CCDC81: variants seen among roughly 807,000 people sequenced by gnomAD.
CCDC81 encodes the protein coiled-coil domain containing 81, also known as coiled-coil domain-containing protein 81.
In CCDC81, 79 loss-of-function variants were observed where a neutral mutation model predicts 83.7. The observed-to-expected ratio is 0.94, with a 90% CI of 0.79 to 1.14. The LOEUF is 1.14. Among genes scored for constraint, CCDC81 ranks in the 50% most tolerant of loss-of-function variants. The pLI, the probability that CCDC81 is intolerant of heterozygous loss-of-function variation, is 0.00. For synonymous variants in CCDC81, 252 were observed against 278.1 expected (o/e 0.91, Z 0.93); for missense variants, 791 against 778.1 (o/e 1.02, Z -0.20).
At chr11:86,412,305 T>G (rs948735452) in intron 10 of CCDC81, 82 bp from the exon 11 acceptor site, 4 of 1,106,544 alleles carry the variant, frequency 3.6e-6, no homozygotes, top group Non-Finnish European at 5.2e-6. Flanking sequence ...AGAAATACTT[T>G]CTGATTTATC....
In CCDC81 at chr11:86,414,806, CGAA is replaced by C. The variant is rs756602737; in HGVS notation, c.1410_1412del (p.Lys471del). The C allele has an allele frequency of 6.2e-7, 1 of 1,611,482 alleles. No homozygotes were observed. The highest frequency in any genetic ancestry group is 1.1e-5 in the South Asian group (1 of 90,146). On this transcript the variant is annotated inframe_deletion, in exon 12 of 15. Transcript: ENST00000445632. ...ACTGCCAGACTTGCTGCGCAAAGAG[CGAA>C]ATTTTTAAAAGATAAGATGGAAGAA...
chr11:86,420,160 G>A lies in CCDC81; in HGVS notation c.1817+107G>A. Reference sequence around the variant, plus strand: ...CAGTGGCTGCCTAGAGAACCTTGTGGAGAAAGCAAGTCTGTATTCCATGGG... The same window carrying A: ...CAGTGGCTGCCTAGAGAACCTTGTGAAGAAAGCAAGTCTGTATTCCATGGG... On this transcript the variant is annotated intron_variant, in intron 14 of 14. Transcript: ENST00000445632. 3 of 1,300,364 alleles carry A rather than the reference G, an allele frequency of 2.3e-6. No individual in the cohort carries two copies. In the East Asian group the frequency reaches 7.0e-5, roughly 30 times the overall value. The allele number at this position is 1,300,364 out of a possible 1,614,324, so 80.6% of individuals were successfully genotyped here.
At chr11:86,410,579 C>T (rs1948628759) in intron 10 of CCDC81, among the ~76,000 whole-genome samples, 1 of 152,124 alleles carries the variant, frequency 6.6e-6, no homozygotes, top group African/African-American at 2.4e-5. Context: ...AGAGAGCGAG[C>T]GAGCATGGGG....
At chr11:86,384,756 G>C (rs1396764543) in intron 1 of CCDC81, among the ~76,000 whole-genome samples, 2 of 152,096 alleles carry the variant, frequency 1.3e-5, no homozygotes, top group Non-Finnish European at 2.9e-5. Context: ...TTTTTATTTT[G>C]AGAATTAAAA....
At chr11:86,383,616 T>C (rs769268125) in intron 1 of CCDC81, among the ~76,000 whole-genome samples, 1 of 152,166 alleles carries the variant, frequency 6.6e-6, no homozygotes, top group East Asian at 1.9e-4. Flanking sequence ...CAGTGTTTGA[T>C]TGAAATAAGT....
At chr11:86,401,355 C>T (rs968138241) in intron 7 of CCDC81, among the ~76,000 whole-genome samples, 1 of 152,016 alleles carries the variant, frequency 6.6e-6, no homozygotes, top group African/African-American at 2.4e-5. Flanking sequence ...AATCAGTCAA[C>T]CATACTCAAC....
intron 1 of CCDC81, among the ~76,000 whole-genome samples, chr11:86,383,868 G>A (rs1565757701): frequency 6.6e-6 from 1 of 152,168 alleles, no homozygotes; most frequent in Admixed American, 6.5e-5. Flanking sequence ...ATGAGAAATA[G>A]CAAATTTTAG....
At chr11:86,399,678 T>C (rs78501685) in intron 6 of CCDC81, among the ~76,000 whole-genome samples, 1 of 152,110 alleles carries the variant, frequency 6.6e-6, no homozygotes, top group East Asian at 1.9e-4. Flanking sequence ...ATTTTTTTTT[T>C]CCTGCAGCCT....
chr11:86,421,701 G>A (rs1278607157), intron 14 of CCDC81, among the ~76,000 whole-genome samples: 1 of 152,200 alleles, frequency 6.6e-6, no homozygotes, highest in Non-Finnish European at 1.5e-5. Context: ...TGGATTGCTA[G>A]AGTTCAGAAG....
At chr11:86,405,604 A>G (rs1948554969) in intron 7 of CCDC81, among the ~76,000 whole-genome samples, 1 of 152,070 alleles carries the variant, frequency 6.6e-6, no homozygotes, top group African/African-American at 2.4e-5. Context: ...TTTCTTCAGT[A>G]TGCTTTCAAT....
In CCDC81 at chr11:86,422,677, C is replaced by A; in HGVS notation, c.1921C>A (p.Leu641Met). ...SNVGESNLWP[L>M]NKFLPGSRLL... ...CGTGGGCGAGAGCAACCTGTGGCCCCTGAACAAGTTCCTGCCTGGCTCCCG... is the reference window on the plus strand; with the variant it reads ...CGTGGGCGAGAGCAACCTGTGGCCCATGAACAAGTTCCTGCCTGGCTCCCG... Residue 641 changes from leucine to methionine, a missense_variant, in exon 15 of 15, where the codon CTG (leucine) becomes ATG (methionine). Coordinates refer to ENST00000445632, the MANE Select transcript of CCDC81 (RefSeq NM_001156474.2). 6.2e-7 allele frequency: 1 copy of A among 1,614,194 alleles called. No individual in the cohort carries two copies. The highest frequency in any genetic ancestry group is 1.1e-5 in the South Asian group (1 of 91,086).
Position 86,422,882 on chromosome 11 carries a change from C to T in CCDC81, c.*167C>T. On this transcript the variant is annotated 3_prime_UTR_variant, in exon 15 of 15. Coordinates refer to ENST00000445632, the MANE Select transcript of CCDC81 (RefSeq NM_001156474.2). ...CCCTTATTGAATTCACTCCTGCTTT[C>T]CTCCCACCCCCAATTATTTCCTATA... 1.5e-6 allele frequency: 1 copy of T among 652,064 alleles called. No individual in the cohort carries two copies. Among genetic ancestry groups the T allele is most frequent in the Non-Finnish European group, 2.6e-6 (1 of 388,704 alleles). 40.4% of individuals were successfully genotyped at this position (652,064 alleles called of 1,614,324 possible). A position where few individuals can be genotyped will look rare whatever the true frequency, so the allele number is the denominator to read the frequency against.
Position 86,422,658 on chromosome 11 carries a change from C to T in CCDC81, c.1902C>T (p.Gly634=), listed in dbSNP as rs754817490. The T allele has an allele frequency of 2.3e-5, 37 of 1,613,952 alleles. No individual in the cohort carries two copies. In the East Asian group the frequency reaches 5.8e-4, roughly 25 times the overall value. The change falls in exon 15 of 15, where the codon GGC becomes GGT. Residue 634 remains glycine (G), a synonymous_variant. Coordinates refer to ENST00000445632, the MANE Select transcript of CCDC81 (RefSeq NM_001156474.2). The part of the protein sequence containing the change: ...KQCQRRTSNV[G]ESNLWPLNKF... ...GCCAGAGGCGCACCTCCAACGTGGG[C>T]GAGAGCAACCTGTGGCCCCTGAACA... is the stretch of plus-strand genomic sequence containing the variant.
At chr11:86,395,206 T>A (rs1236061103) in intron 4 of CCDC81, 128 bp from the exon 5 acceptor site, 3 of 641,364 alleles carry the variant, frequency 4.7e-6, no homozygotes, top group South Asian at 4.3e-5. Context: ...TCTGGACTTA[T>A]AAGCGCTTAA....
Position 86,412,514 on chromosome 11 carries a change from A to G in CCDC81, c.1346A>G (p.Tyr449Cys), listed in dbSNP as rs3741005. The G allele has an allele frequency of 0.096, 154,837 of 1,613,478 alleles. 8,791 individuals carry two copies. The highest frequency in any genetic ancestry group is 0.1 in the Non-Finnish European group (122,580 of 1,179,604). ...GAAAACGAAATAAAGCAAAGACAAT[A>G]CAGAGAGTTGATGGACCGCCTGGAA... The part of the protein sequence containing the change: ...RQENEIKQRQ[Y>C]RELMDRLEQV... Residue 449 changes from tyrosine to cysteine, a missense_variant, in exon 11 of 15, where the codon TAC (tyrosine) becomes TGC (cysteine). Tyr to Cys is a radical substitution (Grantham distance 194). Coordinates refer to ENST00000445632, the MANE Select transcript of CCDC81 (RefSeq NM_001156474.2).
chr11:86,422,887 CA>C lies in CCDC81; in HGVS notation c.*173del. ...ATTGAATTCACTCCTGCTTTCCTCC[CA>C]CCCCCAATTATTTCCTATACTAGTT... On this transcript the variant is annotated 3_prime_UTR_variant, in exon 15 of 15. Transcript: ENST00000445632. 1.5e-6 allele frequency: 1 copy of C among 647,368 alleles called. No homozygotes were observed. Among genetic ancestry groups the C allele is most frequent in the Non-Finnish European group, 2.6e-6 (1 of 384,912 alleles). The allele number at this position is 647,368 out of a possible 1,614,324, so 40.1% of individuals were successfully genotyped here. A position where few individuals can be genotyped will look rare whatever the true frequency, so the allele number is the denominator to read the frequency against.
intron 13 of CCDC81, among the ~76,000 whole-genome samples, chr11:86,417,105 G>A (rs978076030): frequency 2.6e-5 from 4 of 151,898 alleles, no homozygotes; most frequent in Admixed American, 6.6e-5. Flanking sequence ...TTAGCTGGGC[G>A]TGTTGGTGTG....
At chr11:86,379,112 T>C (rs1948138594) in intron 1 of CCDC81, among the ~76,000 whole-genome samples, 1 of 152,022 alleles carries the variant, frequency 6.6e-6, no homozygotes, top group African/African-American at 2.4e-5. Flanking sequence ...CTTTTTTTTT[T>C]TTGAGACATA....
intron 9 of CCDC81, among the ~76,000 whole-genome samples, chr11:86,408,803 T>C (rs532000964): frequency 6.6e-6 from 1 of 152,350 alleles, no homozygotes; most frequent in African/African-American, 2.4e-5. Flanking sequence ...ATCACTGATT[T>C]TCTTTAACCT....
Sources: allele counts gnomAD v4.1 joint callset (sites outside exome capture counted in the v4.1 genomes callset), GRCh38; gene constraint gnomAD v4.1.1; transcripts MANE v1.5; gene names NCBI Gene and HGNC (gene_info 2026-07-23, HGNC 2026-07-21).